The following ATXN7L1 variants were observed in gnomAD, a reference collection of about 807,000 sequenced individuals.
ATXN7L1 encodes the protein ataxin 7 like 1, also known as ataxin-7-like protein 1.
ATXN7L1 carries 15 observed loss-of-function variants against 70.8 expected under a neutral mutation model. The ratio of observed to expected loss-of-function variants is 0.21; its 90% CI spans 0.14 to 0.33. ATXN7L1 has a LOEUF of 0.33. Ranked by LOEUF, ATXN7L1 falls within the 10% of genes least tolerant of loss-of-function variation. ATXN7L1 has a pLI of 1.00. For missense variants in ATXN7L1, 975 were observed against 1,097.1 expected (o/e 0.89, Z 1.57); for synonymous variants, 440 against 445.1 (o/e 0.99, Z 0.14).
intron 3 of ATXN7L1, among the ~76,000 whole-genome samples, chr7:105,692,407 T>TTCCTTCCTTCCTTCCCTCCC (rs761431797): frequency 5.6e-4 from 46 of 82,290 alleles, no homozygotes; most frequent in African/African-American, 1.6e-3. Context: ...CCTTCCTTCC[T>TTCCTTCCTTCCTTCCCTCCC]TCCTTCCTTC....
chr7:105,678,082 C>A, intron 3 of ATXN7L1: 53 of 704,720 alleles, frequency 7.5e-5, no homozygotes, highest in Non-Finnish European at 9.2e-5. Flanking sequence ...CATATGCGTA[C>A]AGACACATAC....
Position 105,748,346 on chromosome 7 carries a change from T to C in ATXN7L1, c.355+40258A>G, listed in dbSNP as rs1798816461. Reference sequence around the variant, plus strand: ...GAGAGTGGTCCAGCTCTTCTCTACCTGTGAGACTCTGGCTGGGTTGCCTGT... The same window carrying C: ...GAGAGTGGTCCAGCTCTTCTCTACCCGTGAGACTCTGGCTGGGTTGCCTGT... On this transcript the variant is annotated intron_variant, in intron 3 of 11. Transcript: ENST00000419735. 2.0e-5 allele frequency among the ~76,000 whole-genome samples: 3 copies of C among 152,306 alleles called. No individual in the cohort carries two copies. The South Asian group carries it at 6.2e-4, about 32-fold the overall frequency.
At chr7:105,782,654 G>C (rs1219530285) in intron 3 of ATXN7L1, among the ~76,000 whole-genome samples, 1 of 152,246 alleles carries the variant, frequency 6.6e-6, no homozygotes, top group South Asian at 2.1e-4. Context: ...TATGGCACAG[G>C]CTGGATGGAC....
At chr7:105,694,124 T>G (rs1171529292) in intron 3 of ATXN7L1, among the ~76,000 whole-genome samples, 35 of 151,472 alleles carry the variant, frequency 2.3e-4, no homozygotes, top group Non-Finnish European at 5.9e-5. Context: ...CTTGGCTCAC[T>G]GCAACCTCCG....
chr7:105,668,232 C>A (rs1477223565), intron 3 of ATXN7L1, among the ~76,000 whole-genome samples: 1 of 152,100 alleles, frequency 6.6e-6, no homozygotes, highest in South Asian at 2.1e-4. Context: ...GCTAAATTTA[C>A]AGAAAAAACC....
At chr7:105,674,192 A>G (rs948783677) in intron 3 of ATXN7L1, among the ~76,000 whole-genome samples, 1 of 152,184 alleles carries the variant, frequency 6.6e-6, no homozygotes, top group Non-Finnish European at 1.5e-5. Flanking sequence ...TTGGGCACTA[A>G]GTTCTTTTGA....
At chr7:105,778,640 G>A (rs916558539) in intron 3 of ATXN7L1, among the ~76,000 whole-genome samples, 4 of 151,520 alleles carry the variant, frequency 2.6e-5, no homozygotes, top group Admixed American at 6.6e-5. Context: ...ATTTCTACTC[G>A]ATTCACAGAA....
intron 3 of ATXN7L1, among the ~76,000 whole-genome samples, chr7:105,688,931 G>A (rs554432406): frequency 6.6e-6 from 1 of 152,204 alleles, no homozygotes; most frequent in Non-Finnish European, 1.5e-5. Flanking sequence ...TCTGATTACT[G>A]GTTCTAATTA....
chr7:105,611,183 C>T (rs1014070013), intron 10 of ATXN7L1, among the ~76,000 whole-genome samples: 2 of 152,208 alleles, frequency 1.3e-5, no homozygotes, highest in African/African-American at 2.4e-5. Context: ...GCTATGCATG[C>T]GGGTGTGGCC....
chr7:105,665,221 T>C lies in ATXN7L1; in HGVS notation c.423A>G (p.Thr141=). 6.4e-7 allele frequency: 1 copy of C among 1,551,704 alleles called. No individual in the cohort carries two copies. The highest frequency in any genetic ancestry group is 8.7e-7 in the Non-Finnish European group (1 of 1,146,990). The change falls in exon 4 of 12, where the codon ACA becomes ACG. Residue 141 remains threonine, a synonymous_variant. Coordinates refer to ENST00000419735, the MANE Select transcript of ATXN7L1 (RefSeq NM_020725.2). ...CTTTTGTTTTCACCTGTACTAGTGA[T>C]GTCCTGGGATTGGAGGCTGGAGACA... is the stretch of plus-strand genomic sequence containing the variant. The part of the protein sequence containing the change: ...SPVSPASNPR[T]SLVQVKTKAC...
At chr7:105,674,914 T>C (rs1804387113) in intron 3 of ATXN7L1, among the ~76,000 whole-genome samples, 2 of 151,996 alleles carry the variant, frequency 1.3e-5, no homozygotes, top group African/African-American at 4.8e-5. Context: ...CTAGACTAGC[T>C]AAAAGGAAAA....
chr7:105,820,259 A>G (rs192873794), intron 2 of ATXN7L1, among the ~76,000 whole-genome samples: 6 of 152,224 alleles, frequency 3.9e-5, no homozygotes, highest in Admixed American at 3.9e-4. Context: ...GAAAATCATC[A>G]AAGTGTACCT....
intron 3 of ATXN7L1, among the ~76,000 whole-genome samples, chr7:105,694,890 C>T (rs1791506288): frequency 6.6e-6 from 1 of 152,234 alleles, no homozygotes; most frequent in Non-Finnish European, 1.5e-5. Flanking sequence ...CGGTGGCTCA[C>T]ACCTGTAATC....
chr7:105,864,825 T>C (rs1229564151), intron 2 of ATXN7L1, among the ~76,000 whole-genome samples: 1 of 151,894 alleles, frequency 6.6e-6, no homozygotes, highest in Non-Finnish European at 1.5e-5. Context: ...TTAGTAGAGA[T>C]GGGGTTTCAC....
At chr7:105,697,926 T>C (rs544974) in intron 3 of ATXN7L1, among the ~76,000 whole-genome samples, 120,660 of 152,208 alleles carry the variant, frequency 0.79, 48,716 homozygotes, top group East Asian at 1. Flanking sequence ...CGAAGGCAGC[T>C]GCCTGACTCC....
intron 2 of ATXN7L1, among the ~76,000 whole-genome samples, chr7:105,859,459 C>G (rs952266495): frequency 6.6e-6 from 1 of 152,052 alleles, no homozygotes; most frequent in African/African-American, 2.4e-5. Context: ...TGGTCAACAA[C>G]AGGCCCATAC....
At chr7:105,669,048 C>T (rs1254343717) in intron 3 of ATXN7L1, among the ~76,000 whole-genome samples, 4 of 152,096 alleles carry the variant, frequency 2.6e-5, no homozygotes, top group Non-Finnish European at 4.4e-5. Context: ...ATCTGGCCCA[C>T]AAAACAACTG....
chr7:105,639,977 G>A (rs960944645), intron 5 of ATXN7L1, among the ~76,000 whole-genome samples: 1 of 151,760 alleles, frequency 6.6e-6, no homozygotes, highest in Non-Finnish European at 1.5e-5. Context: ...AGAGCCACCT[G>A]AGACCCAACG....
chr7:105,743,012 C>T (rs1294971734), intron 3 of ATXN7L1, among the ~76,000 whole-genome samples: 1 of 152,154 alleles, frequency 6.6e-6, no homozygotes, highest in African/African-American at 2.4e-5. Flanking sequence ...TTGTGGGCAG[C>T]CCAACCTCTG....
Sources: allele counts gnomAD v4.1 joint callset (sites outside exome capture counted in the v4.1 genomes callset), GRCh38; gene constraint gnomAD v4.1.1; transcripts MANE v1.5; gene names NCBI Gene and HGNC (gene_info 2026-07-23, HGNC 2026-07-21).